GABRA2: variants seen among roughly 807,000 people sequenced by gnomAD.
The protein encoded by GABRA2 is gamma-aminobutyric acid type A receptor subunit alpha2, also known as gamma-aminobutyric acid receptor subunit alpha-2.
Under a neutral mutation model 48.7 loss-of-function variants are expected in GABRA2, and 16 were observed. The observed-to-expected ratio is 0.33, with a 90% confidence interval of 0.22 to 0.50. The LOEUF (loss-of-function observed/expected upper bound fraction) is 0.50. Among genes scored for constraint, GABRA2 ranks in the 20% least tolerant of loss-of-function variants. The pLI, the probability that GABRA2 is intolerant of heterozygous loss-of-function variation, is 0.98. For missense variants in GABRA2, 275 were observed against 535.6 expected, an observed-to-expected ratio of 0.51 and a Z score of 4.80; for synonymous variants, 185 against 184.5, an observed-to-expected ratio of 1.00 and a Z score of -0.02.
chr4:46,332,562 AC>A, intron 4 of GABRA2, 52 bp downstream of exon 4: 1 of 990,460 alleles, frequency 1.0e-6, no homozygotes. Flanking sequence ...ATTTGAAATT[AC>A]CCCCCACTCC....
Position 46,247,806 on chromosome 4 carries a change from C to A in GABRA2, c.*2502G>T, listed in dbSNP as rs1436883819. On this transcript the variant is annotated 3_prime_UTR_variant, in exon 10 of 10. Transcript: ENST00000381620. ...TTTAAAAGCAATTTCCACGGAGCAT[C>A]CCTAGTCTCCCCACAAGAGAAGAAG... Among the ~76,000 whole-genome samples the A allele has an allele frequency of 1.3e-5, 2 of 151,146 alleles. No homozygotes were observed. The highest frequency in any genetic ancestry group is 4.8e-5 in the African/African-American group (2 of 41,284).
chr4:46,371,195 G>A (rs1236396748), intron 3 of GABRA2, among the ~76,000 whole-genome samples: 2 of 152,048 alleles, frequency 1.3e-5, no homozygotes, highest in Non-Finnish European at 2.9e-5. Flanking sequence ...CACCAATTTA[G>A]CATCCTCTAG....
chr4:46,347,743 A>G (rs1262349698), intron 3 of GABRA2, among the ~76,000 whole-genome samples: 5 of 151,922 alleles, frequency 3.3e-5, no homozygotes, highest in Non-Finnish European at 7.4e-5. Flanking sequence ...ATAAACAAAT[A>G]GAATTGTATC....
chr4:46,348,530 G>A (rs1348522997), intron 3 of GABRA2, among the ~76,000 whole-genome samples: 1 of 151,908 alleles, frequency 6.6e-6, no homozygotes, highest in Non-Finnish European at 1.5e-5. Context: ...CAAGCCAAAT[G>A]TCCAACAACG....
intron 6 of GABRA2, among the ~76,000 whole-genome samples, chr4:46,309,338 C>A (rs1175400482): frequency 6.6e-6 from 1 of 152,006 alleles, no homozygotes; most frequent in African/African-American, 2.4e-5. Flanking sequence ...GATGAGAGTA[C>A]TGTATTTCTA....
At chr4:46,332,726 A>G (rs1365039676) in intron 3 of GABRA2, 44 bp from the exon 4 acceptor site, 1 of 1,137,752 alleles carries the variant, frequency 8.8e-7, no homozygotes, top group Non-Finnish European at 1.3e-6. Flanking sequence ...ATATAATAAG[A>G]GCCACAGGAG....
intron 3 of GABRA2, chr4:46,365,499 T>C (rs1262925229): frequency 6.6e-6 from 1 of 152,122 alleles, no homozygotes; most frequent in Non-Finnish European, 1.5e-5. Context: ...TGAACAAATC[T>C]CCACATTATG....
At chr4:46,388,811 G>T in intron 1 of GABRA2, 95 bp from the exon 2 acceptor site, 1 of 1,572,426 alleles carries the variant, frequency 6.4e-7, no homozygotes, top group East Asian at 2.3e-5. Flanking sequence ...TTTAGTTAGG[G>T]ATTCGTGTTA....
At chr4:46,380,110 TATA>T (rs1446194421) in intron 3 of GABRA2, among the ~76,000 whole-genome samples, 1 of 152,212 alleles carries the variant, frequency 6.6e-6, no homozygotes, top group African/African-American at 2.4e-5. Context: ...CTTTCAATTT[TATA>T]ATATGTCCCT....
chr4:46,246,949 T>A lies in GABRA2; in HGVS notation c.*3359A>T, dbSNP rs372179893. Among the ~76,000 whole-genome samples, 1 of 151,066 alleles carries A rather than the reference T, an allele frequency of 6.6e-6. No homozygotes were observed. The highest frequency in any genetic ancestry group is 2.0e-4 in the East Asian group (1 of 5,096). On this transcript the variant is annotated 3_prime_UTR_variant, in exon 10 of 10. Transcript: ENST00000381620. ...TGCTCTTCTGGAATCCATGATTATATCATGGCAGGGTTTGTGTCCCTCAAC... is the reference window on the plus strand; with the variant it reads ...TGCTCTTCTGGAATCCATGATTATAACATGGCAGGGTTTGTGTCCCTCAAC...
chr4:46,255,373 G>A (rs766953006), intron 9 of GABRA2, among the ~76,000 whole-genome samples: 106 of 151,530 alleles, frequency 7.0e-4, no homozygotes, highest in Non-Finnish European at 1.2e-3. Flanking sequence ...ATTCTATTAT[G>A]TAAGTCTCCT....
chr4:46,271,098 A>C (rs1377296228), intron 8 of GABRA2, among the ~76,000 whole-genome samples: 1 of 152,002 alleles, frequency 6.6e-6, no homozygotes, highest in Non-Finnish European at 1.5e-5. Flanking sequence ...CTTCCTATGT[A>C]TTTGTGGTTG....
chr4:46,383,496 CA>C (rs2109364056), intron 3 of GABRA2, among the ~76,000 whole-genome samples: 1 of 152,218 alleles, frequency 6.6e-6, no homozygotes, highest in African/African-American at 2.4e-5. Flanking sequence ...CCACAATATG[CA>C]AATCAATATT....
At chr4:46,370,166 G>A (rs914196911) in intron 3 of GABRA2, among the ~76,000 whole-genome samples, 1 of 151,726 alleles carries the variant, frequency 6.6e-6, no homozygotes, top group Non-Finnish European at 1.5e-5. Context: ...GAGTTCATGT[G>A]AGCAATAATA....
chr4:46,385,426 A>C (rs934493985), intron 3 of GABRA2, among the ~76,000 whole-genome samples: 3 of 151,978 alleles, frequency 2.0e-5, no homozygotes, highest in African/African-American at 4.8e-5. Flanking sequence ...TGAATTAAAA[A>C]TTTTAATTTT....
At chr4:46,260,473 A>T (rs1716734609) in intron 9 of GABRA2, among the ~76,000 whole-genome samples, 1 of 151,870 alleles carries the variant, frequency 6.6e-6, no homozygotes, top group South Asian at 2.1e-4. Context: ...GAGGAGGCAT[A>T]TCATTTCAGA....
In GABRA2 at chr4:46,249,359, CAT is replaced by C. The variant is rs1491197071; in HGVS notation, c.*947_*948del. On this transcript the variant is annotated 3_prime_UTR_variant, in exon 10 of 10. Coordinates refer to ENST00000381620, the MANE Select transcript of GABRA2 (RefSeq NM_000807.4). Reference sequence around the variant, plus strand: ...TGCAGTAAACAGGAAAGAGGAGAATCATATAAGTGTTTGTCATAGTGTGGGGC... The same window carrying C: ...TGCAGTAAACAGGAAAGAGGAGAATCATAAGTGTTTGTCATAGTGTGGGGC... 6.6e-6 allele frequency: 1 copy of C among 151,226 alleles called. No homozygotes were observed. The highest frequency in any genetic ancestry group is 2.4e-5 in the African/African-American group (1 of 41,254). The allele number at this position is 151,226 out of a possible 1,614,324, so 9.4% of individuals were successfully genotyped here. A position where few individuals can be genotyped will look rare whatever the true frequency, so the allele number is the denominator to read the frequency against.
chr4:46,269,961 C>A (rs1003084724), intron 8 of GABRA2, among the ~76,000 whole-genome samples: 12 of 151,762 alleles, frequency 7.9e-5, no homozygotes, highest in African/African-American at 2.9e-4. Context: ...AATGTGAATT[C>A]TTGGAATATC....
chr4:46,318,203 TA>T (rs763265511), intron 4 of GABRA2, among the ~76,000 whole-genome samples: 2 of 151,422 alleles, frequency 1.3e-5, no homozygotes, highest in Non-Finnish European at 3.0e-5. Flanking sequence ...ATAAAAATTT[TA>T]AGTGGGAGCA....
Sources: gnomAD v4.1 joint callset for allele counts (sites outside exome capture counted in the v4.1 genomes callset) on GRCh38, gnomAD v4.1.1 for gene constraint, MANE v1.5 for transcripts, NCBI Gene and HGNC (gene_info 2026-07-23, HGNC 2026-07-21) for gene names.